DLL3: variants seen among roughly 807,000 people sequenced by gnomAD.
DLL3 encodes delta-like protein 3.
In DLL3, 49 loss-of-function variants were observed where a neutral mutation model predicts 55.0. The observed-to-expected ratio is 0.89, with a 90% CI of 0.71 to 1.13. DLL3 has a LOEUF of 1.13. DLL3 is among the 50% of genes most tolerant of loss of function. DLL3 has a pLI of 0.00. For missense variants in DLL3, 962 were observed against 875.5 expected, an observed-to-expected ratio of 1.10 and a Z score of -1.25; for synonymous variants, 421 against 385.2, an observed-to-expected ratio of 1.09 and a Z score of -1.09.
At chr19:39,508,217 G>A (rs1375822289) in intron 8 of DLL3, 35 bp from the exon 9 acceptor site, 1 of 1,614,078 alleles carries the variant, frequency 6.2e-7, no homozygotes, top group Admixed American at 1.7e-5. Context: ...CAGAGGGGCA[G>A]CCTCTCTAAT....
chr19:39,500,604 C>T lies in DLL3; in HGVS notation c.352-11C>T. The stretch of plus-strand genomic sequence containing the variant: ...TTCATCTTTCATCTCCCCCTTCCTT[C>T]ACCCAACCAGGGCACCTTCTCTTTC... On this transcript the variant is annotated splice_polypyrimidine_tract_variant and intron_variant, in intron 2 of 8. Transcript: ENST00000356433. 6.2e-7 allele frequency: 1 copy of T among 1,613,072 alleles called. No homozygotes were observed. Among genetic ancestry groups the T allele is most frequent in the African/African-American group, 1.3e-5 (1 of 75,014 alleles).
chr19:39,507,263 C>A lies in DLL3; in HGVS notation c.1318C>A (p.His440Asn), dbSNP rs1172879209. 5.2e-6 allele frequency: 8 copies of A among 1,529,638 alleles called. No individual in the cohort carries two copies. Among genetic ancestry groups the A allele is most frequent in the South Asian group, 1.2e-5 (1 of 83,694 alleles). The allele number at this position is 1,529,638 out of a possible 1,614,324, so 94.8% of individuals were successfully genotyped here. Residue 440 changes from histidine (H) to asparagine (N), a missense_variant, in exon 7 of 9, where the codon CAC becomes AAC. Physicochemically the swap from His to Asn is moderately conservative, Grantham distance 68. Transcript: ENST00000356433. ...CCCGTGCGCCGCGCGCCCCTGTGCT[C>A]ACGGCGGCCGCTGCTACGCCCACTT... The part of the protein sequence containing the change: ...ADPCAARPCA[H>N]GGRCYAHFSG...
At position 39,504,104 on chromosome 19, in the gene DLL3, G is replaced by A. The variant is rs753887634; in HGVS notation, c.686G>A (p.Gly229Asp). 3.7e-6 allele frequency: 6 copies of A among 1,613,312 alleles called. No individual in the cohort carries two copies. In the East Asian group the frequency reaches 1.1e-4, roughly 30 times the overall value. ...CGAGCAGGCTGCAGCCCTGAGCATG[G>A]CTTCTGTGAACAGCCCGGTGAATGC... is the stretch of plus-strand genomic sequence containing the variant. ...VCRAGCSPEH[G>D]FCEQPGECRC... The change falls in exon 5 of 9, where the codon GGC becomes GAC. Residue 229 changes from glycine to aspartate, a missense_variant. Coordinates refer to ENST00000356433, the MANE Select transcript of DLL3 (RefSeq NM_203486.3).
At position 39,501,460 on chromosome 19, in the gene DLL3, A is replaced by C. The variant is rs146346134; in HGVS notation, c.409+788A>C. Among the ~76,000 whole-genome samples the C allele has an allele frequency of 4.5e-3, 683 of 151,924 alleles. 9 individuals carry two copies. The highest frequency in any genetic ancestry group is 0.016 in the African/African-American group (653 of 41,422). ...GACTCTGTTGCTATGTAAGGCCCAC[A>C]GCGGGGGTTTTGTCACCATTTTTTT... On this transcript the variant is annotated intron_variant, in intron 3 of 8. Transcript: ENST00000356433.
At chr19:39,506,911 C>T (rs2079643988) in intron 6 of DLL3, 128 bp from the exon 7 acceptor site, 15 of 1,001,044 alleles carry the variant, frequency 1.5e-5, no homozygotes, top group Non-Finnish European at 2.2e-5. Flanking sequence ...TGGCACACTC[C>T]AAGACGCTGG....
chr19:39,507,989 T>C (rs748176684), intron 8 of DLL3, 75 bp downstream of exon 8: 1 of 1,613,842 alleles, frequency 6.2e-7, no homozygotes, highest in East Asian at 2.2e-5. Flanking sequence ...TTCCCTACCC[T>C]TCCTCGATTC....
At chr19:39,500,261 C>T (rs1025791733) in intron 2 of DLL3, among the ~76,000 whole-genome samples, 3 of 102,132 alleles carry the variant, frequency 2.9e-5, no homozygotes, top group Non-Finnish European at 4.6e-5. Flanking sequence ...GACCTCGTTT[C>T]TAAAAAAAAA....
chr19:39,508,197 G>T (rs2079656474), intron 8 of DLL3, 55 bp from the exon 9 acceptor site: 1 of 1,613,734 alleles, frequency 6.2e-7, no homozygotes, highest in African/African-American at 1.3e-5. Context: ...CAGCGGGGAG[G>T]CAGGGGAGGC....
In DLL3 at chr19:39,504,227, G is replaced by A. The variant is rs1231122165; in HGVS notation, c.809G>A (p.Cys270Tyr). 6.2e-7 allele frequency: 1 copy of A among 1,612,862 alleles called. No homozygotes were observed. The change falls in exon 5 of 9, where the codon TGC (cysteine) becomes TAC (tyrosine). Residue 270 changes from cysteine to tyrosine, a missense_variant. Cys to Tyr is a radical substitution (Grantham distance 194). Coordinates refer to ENST00000356433, the MANE Select transcript of DLL3 (RefSeq NM_203486.3). ...PRGPSSATTG[C>Y]LVPGPGPCDG... ...GGCCCGTCCTCTGCTACCACCGGAT[G>A]CCTTGTCCCTGGGCCTGGGCCCTGT...
rs867662739 is a variant in DLL3, at chr19:39,507,296, C to T, written c.1351C>T (p.Leu451Phe). ...CCGCTGCTACGCCCACTTCTCCGGC[C>T]TCGTCTGCGCTTGCGCTCCCGGCTA... ...GGRCYAHFSGLVCACAPGYMG... is the reference protein window; with the variant it reads ...GGRCYAHFSGFVCACAPGYMG... The change falls in exon 7 of 9, where the codon CTC becomes TTC. Residue 451 changes from leucine (L) to phenylalanine (F), a missense_variant. Physicochemically the swap from Leu to Phe is conservative, Grantham distance 22 (BLOSUM62 0). Coordinates refer to ENST00000356433, the MANE Select transcript of DLL3 (RefSeq NM_203486.3). 4 of 1,550,434 alleles carry T rather than the reference C, an allele frequency of 2.6e-6. No individual in the cohort carries two copies. The highest frequency in any genetic ancestry group is 3.5e-6 in the Non-Finnish European group (4 of 1,155,654).
In DLL3 at chr19:39,502,870, A is replaced by AGGCCCGTG. The variant is rs1297229200; in HGVS notation, c.472_479dup (p.Asp161GlyfsTer83). On this transcript the variant is annotated frameshift_variant, in exon 4 of 9. Transcript: ENST00000356433. LOFTEE classifies it high-confidence loss of function. ...CTGGCAGGCGGCGCTTGGCAGCCGG[A>AGGCCCGTG]GGCCCGTGGGCCCGGGACATTCAGC... The AGGCCCGTG allele has an allele frequency of 4.2e-6, 6 of 1,417,782 alleles. No homozygotes were observed. The highest frequency in any genetic ancestry group is 5.5e-6 in the Non-Finnish European group (6 of 1,091,120). The allele number at this position is 1,417,782 out of a possible 1,614,324, so 87.8% of individuals were successfully genotyped here. A position where few individuals can be genotyped will look rare whatever the true frequency, so the allele number is the denominator to read the frequency against.
chr19:39,507,288 T>G lies in DLL3; in HGVS notation c.1343T>G (p.Phe448Cys). The change falls in exon 7 of 9, where the codon TTC becomes TGC. Residue 448 changes from phenylalanine to cysteine, a missense_variant. Coordinates refer to ENST00000356433, the MANE Select transcript of DLL3 (RefSeq NM_203486.3). ...CAHGGRCYAH[F>C]SGLVCACAPG... ...CACGGCGGCCGCTGCTACGCCCACT[T>G]CTCCGGCCTCGTCTGCGCTTGCGCT... 1 of 1,545,186 alleles carries G rather than the reference T, an allele frequency of 6.5e-7. No individual in the cohort carries two copies. The highest frequency in any genetic ancestry group is 8.7e-7 in the Non-Finnish European group (1 of 1,152,786).
intron 2 of DLL3, among the ~76,000 whole-genome samples, chr19:39,499,852 CTCT>C (rs147150873): frequency 0.26 from 38,364 of 145,176 alleles, 5,482 homozygotes; most frequent in Middle Eastern, 0.4. Flanking sequence ...TATCTTCTCT[CTCT>C]TTTTTTTTTT....
At chr19:39,502,160 C>G (rs944763305) in intron 3 of DLL3, among the ~76,000 whole-genome samples, 67 of 151,972 alleles carry the variant, frequency 4.4e-4, no homozygotes, top group African/African-American at 1.5e-3. Context: ...ACGCTCCAGC[C>G]TGGGCGACAG....
Position 39,505,227 on chromosome 19 carries a change from A to G in DLL3, c.871-2A>G. On this transcript the variant is annotated splice_acceptor_variant, in intron 5 of 8. Coordinates refer to ENST00000356433, the MANE Select transcript of DLL3 (RefSeq NM_203486.3). LOFTEE classifies it high-confidence loss of function. ...TTCTCAAGTACTCTTGTCCCTGCCC[A>G]GGAGACACCCAGGTCCTTTGAATGC... is the stretch of plus-strand genomic sequence containing the variant. The G allele has an allele frequency of 6.2e-7, 1 of 1,613,966 alleles. No homozygotes were observed. Among genetic ancestry groups the G allele is most frequent in the South Asian group, 1.1e-5 (1 of 91,070 alleles).
rs1370925382 is a variant in DLL3 at position 39,499,459 on chromosome 19, C to A, written c.337C>A (p.Arg113=). ...LPDGLLQVPF[R]DAWPGTFSFI... is the part of the protein sequence containing the mutation. ...CGACGGCCTCTTGCAGGTGCCCTTC[C>A]GGGACGCCTGGCCTGTAAGTGCTGC... is the stretch of plus-strand genomic sequence containing the variant. The change falls in exon 2 of 9, where the codon CGG becomes AGG. Residue 113 remains arginine (R), a synonymous_variant. Coordinates refer to ENST00000356433, the MANE Select transcript of DLL3 (RefSeq NM_203486.3). 2 of 1,590,328 alleles carry A rather than the reference C, an allele frequency of 1.3e-6. No homozygotes were observed. Among genetic ancestry groups the A allele is most frequent in the African/African-American group, 1.3e-5 (1 of 74,744 alleles).
intron 5 of DLL3, among the ~76,000 whole-genome samples, 166 bp downstream of exon 5, chr19:39,504,454 G>C (rs886478264): frequency 3.9e-5 from 6 of 152,196 alleles, no homozygotes; most frequent in Non-Finnish European, 7.3e-5. Context: ...CTTGAAGTAG[G>C]ATTAGGTGAT....
chr19:39,504,007 A>T lies in DLL3; in HGVS notation c.653-64A>T, dbSNP rs1182293662. The T allele has an allele frequency of 4.6e-6, 7 of 1,537,364 alleles. No homozygotes were observed. The South Asian group carries it at 6.8e-5, about 15-fold the overall frequency. On this transcript the variant is annotated intron_variant, in intron 4 of 8. Transcript: ENST00000356433. Reference sequence around the variant, plus strand: ...GTGCTCAGAAACCTCCCTGCTTTCCATCTTGTCCCTGGCCCTCCCCGACGT... The same window carrying T: ...GTGCTCAGAAACCTCCCTGCTTTCCTTCTTGTCCCTGGCCCTCCCCGACGT...
intron 4 of DLL3, among the ~76,000 whole-genome samples, chr19:39,503,280 G>C (rs2079621993): frequency 6.6e-6 from 1 of 152,272 alleles, no homozygotes; most frequent in South Asian, 2.1e-4. Context: ...TGCCACCTTC[G>C]GAGAAACTGA....
Sources: allele counts gnomAD v4.1 joint callset (sites outside exome capture counted in the v4.1 genomes callset), GRCh38; gene constraint gnomAD v4.1.1; transcripts MANE v1.5; gene names NCBI Gene and HGNC (gene_info 2026-07-23, HGNC 2026-07-21).